AFG1L: variants seen among roughly 807,000 people sequenced by gnomAD.
AFG1L encodes the protein AFG1 like ATPase, also known as AFG1-like ATPase.
Under a neutral mutation model 62.2 loss-of-function variants are expected in AFG1L, and 53 were observed. The observed-to-expected ratio is 0.85, with a 90% CI of 0.68 to 1.07. The LOEUF (loss-of-function observed/expected upper bound fraction) is 1.07. AFG1L is among the 50% of genes least tolerant of loss of function. AFG1L has a pLI of 0.00. For missense variants in AFG1L, 555 were observed against 590.5 expected (o/e 0.94, Z 0.62); for synonymous variants, 228 against 210.3 (o/e 1.08, Z -0.73).
chr6:108,412,938 G>A (rs554447329), intron 7 of AFG1L, among the ~76,000 whole-genome samples: 40 of 152,186 alleles, frequency 2.6e-4, no homozygotes, highest in Non-Finnish European at 4.1e-4. Context: ...ATGTAAATGG[G>A]CTAAATGCTC....
intron 7 of AFG1L, among the ~76,000 whole-genome samples, chr6:108,419,834 A>C (rs911588986): frequency 3.9e-5 from 6 of 152,196 alleles, no homozygotes; most frequent in African/African-American, 1.4e-4. Flanking sequence ...GTAAACTAGA[A>C]TATTCCCATG....
At chr6:108,481,415 A>G (rs1355784582) in intron 10 of AFG1L, among the ~76,000 whole-genome samples, 1 of 152,082 alleles carries the variant, frequency 6.6e-6, no homozygotes. Flanking sequence ...GGTCCCCGAG[A>G]CCCTTTTAGG....
At chr6:108,320,911 G>A (rs543633912) in intron 1 of AFG1L, among the ~76,000 whole-genome samples, 48 of 152,268 alleles carry the variant, frequency 3.2e-4, no homozygotes, top group African/African-American at 1.1e-3. Context: ...GGGAGGAAGA[G>A]GAATATATCA....
chr6:108,450,938 TAAA>T (rs201994960), intron 8 of AFG1L, among the ~76,000 whole-genome samples: 7 of 136,788 alleles, frequency 5.1e-5, no homozygotes, highest in Non-Finnish European at 1.6e-5. Context: ...CCACTGGTAT[TAAA>T]AAAAAAAAAA....
At chr6:108,447,930 A>T (rs1222106734) in intron 8 of AFG1L, among the ~76,000 whole-genome samples, 1 of 152,142 alleles carries the variant, frequency 6.6e-6, no homozygotes, top group South Asian at 2.1e-4. Flanking sequence ...TGTTTAGTAT[A>T]TGCCAACAGT....
intron 3 of AFG1L, among the ~76,000 whole-genome samples, 157 bp from the exon 4 acceptor site, chr6:108,355,497 A>C (rs1779238150): frequency 6.6e-6 from 1 of 152,168 alleles, no homozygotes; most frequent in South Asian, 2.1e-4. Flanking sequence ...TAGCTAGTTT[A>C]ACATACAAAG....
intron 8 of AFG1L, among the ~76,000 whole-genome samples, chr6:108,475,611 C>T (rs1209026492): frequency 6.6e-6 from 1 of 152,130 alleles, no homozygotes; most frequent in Non-Finnish European, 1.5e-5. Context: ...TTGAATATGA[C>T]ACTAGACCTC....
At chr6:108,353,140 C>T (rs1377005909) in intron 3 of AFG1L, among the ~76,000 whole-genome samples, 1 of 142,258 alleles carries the variant, frequency 7.0e-6, no homozygotes, top group Non-Finnish European at 1.5e-5. Context: ...ATCCTATGGT[C>T]ACACAATGTT....
At position 108,358,333 on chromosome 6, in the gene AFG1L, C is replaced by G. The variant is rs1209543980; in HGVS notation, c.648+1513C>G. ...TTTAAAGAGGTTTATTAATACCTAGCCTTTGTAAAATGATCCGTAGTTTAC... is the reference window on the plus strand; with the variant it reads ...TTTAAAGAGGTTTATTAATACCTAGGCTTTGTAAAATGATCCGTAGTTTAC... On this transcript the variant is annotated intron_variant, in intron 5 of 12. Coordinates refer to ENST00000368977, the MANE Select transcript of AFG1L (RefSeq NM_145315.5). Among the ~76,000 whole-genome samples the G allele has an allele frequency of 2.0e-5, 3 of 152,140 alleles. No individual in the cohort carries two copies. In the East Asian group the frequency reaches 5.8e-4, roughly 29 times the overall value.
In AFG1L at chr6:108,381,446, C is replaced by T. The variant is rs566861522; in HGVS notation, c.748+15114C>T. Among the ~76,000 whole-genome samples, 14 of 151,764 alleles carry T rather than the reference C, an allele frequency of 9.2e-5. No homozygotes were observed. The South Asian group carries it at 2.7e-3, about 29-fold the overall frequency. On this transcript the variant is annotated intron_variant, in intron 6 of 12. Coordinates refer to ENST00000368977, the MANE Select transcript of AFG1L (RefSeq NM_145315.5). ...CCTGGGTGCATTTGCACATGTCTGTCATCCTAGCTACTTGGGAGGCTGAGG... is the reference window on the plus strand; with the variant it reads ...CCTGGGTGCATTTGCACATGTCTGTTATCCTAGCTACTTGGGAGGCTGAGG...
chr6:108,495,065 A>C (rs886284669), intron 10 of AFG1L, among the ~76,000 whole-genome samples: 1 of 151,900 alleles, frequency 6.6e-6, no homozygotes, highest in South Asian at 2.1e-4. Flanking sequence ...ATGAGCCACC[A>C]CACCCAGCCT....
intron 3 of AFG1L, among the ~76,000 whole-genome samples, chr6:108,350,310 A>AT (rs560260698): frequency 5.3e-4 from 78 of 147,008 alleles, no homozygotes; most frequent in South Asian, 1.3e-3. Context: ...TCTCTTATGT[A>AT]TTTTTTTTTT....
chr6:108,486,769 A>T (rs928982867), intron 10 of AFG1L, among the ~76,000 whole-genome samples: 1 of 151,796 alleles, frequency 6.6e-6, no homozygotes, highest in Non-Finnish European at 1.5e-5. Context: ...CCCAGGCATG[A>T]TCTTAGCTCA....
chr6:108,406,005 G>A (rs1269918425), intron 7 of AFG1L, among the ~76,000 whole-genome samples: 1 of 152,182 alleles, frequency 6.6e-6, no homozygotes, highest in African/African-American at 2.4e-5. Context: ...GTAAGGATAT[G>A]CCACATTTTG....
intron 1 of AFG1L, among the ~76,000 whole-genome samples, chr6:108,301,466 G>T (rs1267369637): frequency 6.6e-6 from 1 of 152,192 alleles, no homozygotes; most frequent in Non-Finnish European, 1.5e-5. Context: ...CTGAATAGGG[G>T]CAATGCTATT....
At chr6:108,491,514 C>T (rs574766647) in intron 10 of AFG1L, among the ~76,000 whole-genome samples, 36 of 152,206 alleles carry the variant, frequency 2.4e-4, no homozygotes, top group African/African-American at 6.5e-4. Context: ...AAAAATAGTA[C>T]TTTACAGCTG....
chr6:108,407,570 A>G (rs757707440), intron 7 of AFG1L, among the ~76,000 whole-genome samples: 3 of 152,014 alleles, frequency 2.0e-5, no homozygotes, highest in Admixed American at 6.6e-5. Flanking sequence ...CTGTCCTCCA[A>G]GCTACTTGGG....
At chr6:108,465,649 TAG>T (rs950870019) in intron 8 of AFG1L, among the ~76,000 whole-genome samples, 1 of 115,708 alleles carries the variant, frequency 8.6e-6, no homozygotes, top group African/African-American at 4.3e-5. Context: ...CCTAGAGTCA[TAG>T]AGTCACTGCT....
intron 10 of AFG1L, among the ~76,000 whole-genome samples, chr6:108,495,137 C>A (rs1773925985): frequency 1.3e-5 from 2 of 152,086 alleles, no homozygotes; most frequent in African/African-American, 2.4e-5. Flanking sequence ...GTCTTAACAT[C>A]AATTCGTGTG....
Sources: allele counts gnomAD v4.1 joint callset (sites outside exome capture counted in the v4.1 genomes callset), GRCh38; gene constraint gnomAD v4.1.1; transcripts MANE v1.5; gene names NCBI Gene and HGNC (gene_info 2026-07-23, HGNC 2026-07-21).